Variants in MMS22L observed in about 807,000 individuals in gnomAD.
MMS22L encodes MMS22 like, DNA repair protein, also known as protein MMS22-like.
MMS22L carries 74 observed loss-of-function variants against 159.1 expected under a neutral mutation model. The ratio of observed to expected loss-of-function variants is 0.47; its 90% CI spans 0.39 to 0.56. MMS22L has a LOEUF of 0.56. Ranked by LOEUF, MMS22L falls within the 20% of genes least tolerant of loss-of-function variation. The pLI, the probability that MMS22L is intolerant of heterozygous loss-of-function variation, is 0.00. For missense variants in MMS22L, 1,351 were observed against 1,422.1 expected (o/e 0.95, Z 0.80); for synonymous variants, 517 against 506.9 (o/e 1.02, Z -0.27).
rs774669892 is a variant in MMS22L, at chr6:97,162,027, G to C, written c.3360C>G (p.Cys1120Trp). Reference protein sequence around the residue: ...VELLLPGILKCLVLVSEPQVK... With the variant: ...VELLLPGILKWLVLVSEPQVK... ...CTTGTGGTTCACTGACTAACACCAA[G>C]CATTTTAAAATGCCAGGGAGGAGTA... Residue 1120 changes from cysteine to tryptophan, a missense_variant, in exon 22 of 25, where the codon TGC becomes TGG. Cys to Trp is a radical substitution (Grantham distance 215). Coordinates refer to ENST00000683635, the MANE Select transcript of MMS22L (RefSeq NM_001350599.2). 5 of 1,610,880 alleles carry C rather than the reference G, an allele frequency of 3.1e-6. No homozygotes were observed. Among genetic ancestry groups the C allele is most frequent in the Admixed American group, 3.4e-5 (2 of 59,442 alleles).
At chr6:97,246,521 G>A in intron 11 of MMS22L, 107 bp downstream of exon 11, 1 of 820,632 alleles carries the variant, frequency 1.2e-6, no homozygotes, top group South Asian at 2.0e-5. Flanking sequence ...AAGCATGAAA[G>A]TTATTTGTTT....
Position 97,273,082 on chromosome 6 carries a change from T to A in MMS22L, c.341-20A>T, listed in dbSNP as rs750547927. The A allele has an allele frequency of 1.9e-6, 3 of 1,573,014 alleles. No individual in the cohort carries two copies. Among genetic ancestry groups the A allele is most frequent in the Admixed American group, 3.9e-5 (2 of 51,664 alleles). The stretch of plus-strand genomic sequence containing the variant: ...CCTTCCCTGAAACCAAAATAGACAA[T>A]GTTAATCATAGTTCAAATAATTATC... On this transcript the variant is annotated intron_variant, in intron 4 of 24. Transcript: ENST00000683635.
At position 97,151,836 on chromosome 6, in the gene MMS22L, G is replaced by A; in HGVS notation, c.3417C>T (p.Tyr1139=). ...ACCCCACTTGGCAGGCTTTTACCAT[G>A]TATTGCAGGTTCTCTGTGGCCAGCC... ...VKRLATENLQ[Y]MVKACQVGSE... Residue 1139 remains tyrosine (Y), a synonymous_variant, in exon 23 of 25, where the codon TAC becomes TAT. Transcript: ENST00000683635. 1 of 1,613,624 alleles carries A rather than the reference G, an allele frequency of 6.2e-7. No individual in the cohort carries two copies. The highest frequency in any genetic ancestry group is 1.1e-5 in the South Asian group (1 of 91,050).
chr6:97,180,913 T>C (rs1428149797), intron 16 of MMS22L, among the ~76,000 whole-genome samples: 2 of 152,178 alleles, frequency 1.3e-5, no homozygotes, highest in African/African-American at 4.8e-5. Flanking sequence ...ACATCTCTCT[T>C]CATTTCCACT....
chr6:97,180,230 T>C lies in MMS22L; in HGVS notation c.2385-671A>G, dbSNP rs563045159. On this transcript the variant is annotated intron_variant, in intron 16 of 24. Transcript: ENST00000683635. The stretch of plus-strand genomic sequence containing the variant: ...CATTCTCCTGCCTCAGCCTCCCAAG[T>C]GGCTGGGACTACAGGCACCCGCCAC... Among the ~76,000 whole-genome samples, 5 of 152,198 alleles carry C rather than the reference T, an allele frequency of 3.3e-5. No homozygotes were observed. In the East Asian group the frequency reaches 7.7e-4, roughly 24 times the overall value.
intron 14 of MMS22L, among the ~76,000 whole-genome samples, chr6:97,192,341 AAGG>A (rs1452149807): frequency 6.6e-6 from 1 of 152,178 alleles, no homozygotes. Flanking sequence ...CTTGAGATGC[AAGG>A]AGAATTCTTC....
chr6:97,179,272 A>G, intron 17 of MMS22L, 136 bp downstream of exon 17: 1 of 683,550 alleles, frequency 1.5e-6, no homozygotes. Flanking sequence ...ACAAAAGGAA[A>G]TTAAGTTCTG....
intron 15 of MMS22L, among the ~76,000 whole-genome samples, chr6:97,184,459 C>G (rs1387124875): frequency 6.6e-6 from 1 of 151,950 alleles, no homozygotes; most frequent in Non-Finnish European, 1.5e-5. Context: ...ATCTAAGTGC[C>G]TACTTAACAT....
chr6:97,188,231 C>A (rs1805455906), intron 14 of MMS22L, among the ~76,000 whole-genome samples: 2 of 152,140 alleles, frequency 1.3e-5, no homozygotes, highest in Admixed American at 1.3e-4. Flanking sequence ...ATAATACCAC[C>A]ATTTCTACTG....
chr6:97,164,455 TGTTAAA>T (rs533929403), intron 21 of MMS22L, among the ~76,000 whole-genome samples: 8 of 151,948 alleles, frequency 5.3e-5, no homozygotes, highest in Non-Finnish European at 1.2e-4. Context: ...AACTTTCTAA[TGTTAAA>T]GTTAAAGGAT....
intron 14 of MMS22L, among the ~76,000 whole-genome samples, chr6:97,197,614 A>G (rs1332125577): frequency 6.6e-6 from 1 of 152,178 alleles, no homozygotes; most frequent in African/African-American, 2.4e-5. Context: ...ATGTAAATGG[A>G]TAGGGTATAA....
chr6:97,171,949 T>C (rs1231109645), intron 19 of MMS22L, among the ~76,000 whole-genome samples: 2 of 152,264 alleles, frequency 1.3e-5, no homozygotes, highest in African/African-American at 2.4e-5. Flanking sequence ...CTCTTCCTAG[T>C]CTTTGAAACC....
intron 9 of MMS22L, chr6:97,261,662 G>C (rs1814498358): frequency 6.6e-6 from 1 of 152,126 alleles, no homozygotes; most frequent in Non-Finnish European, 1.5e-5. Flanking sequence ...TGGGGGGACG[G>C]TCAGCATCCC....
Position 97,165,505 on chromosome 6 carries a change from A to G in MMS22L, c.3010-48T>C. 3 of 1,487,856 alleles carry G rather than the reference A, an allele frequency of 2.0e-6. No homozygotes were observed. In the South Asian group the frequency reaches 3.6e-5, roughly 18 times the overall value. The allele number at this position is 1,487,856 out of a possible 1,614,324, so 92.2% of individuals were successfully genotyped here. On this transcript the variant is annotated intron_variant, in intron 20 of 24. Coordinates refer to ENST00000683635, the MANE Select transcript of MMS22L (RefSeq NM_001350599.2). ...ATACTAAGAGGTAAAGTTTCAAAGA[A>G]CAAACAATATTTAGAAACTCACTAA... is the stretch of plus-strand genomic sequence containing the variant.
chr6:97,218,050 G>T (rs189038994), intron 14 of MMS22L, among the ~76,000 whole-genome samples: 5 of 152,240 alleles, frequency 3.3e-5, no homozygotes, highest in Admixed American at 6.5e-5. Context: ...GGACCCACTT[G>T]CTGCACCTGT....
chr6:97,162,382 C>T (rs976818729), intron 21 of MMS22L, among the ~76,000 whole-genome samples: 1 of 152,066 alleles, frequency 6.6e-6, no homozygotes, highest in African/African-American at 2.4e-5. Context: ...AGGGCCAAAG[C>T]ACAATATAGT....
At chr6:97,186,780 CAT>C (rs1805289109) in intron 14 of MMS22L, 90 bp from the exon 15 acceptor site, 15 of 907,470 alleles carry the variant, frequency 1.7e-5, no homozygotes, top group Non-Finnish European at 2.3e-5. Flanking sequence ...CCATTTATAT[CAT>C]ATGAGAAACA....
intron 14 of MMS22L, among the ~76,000 whole-genome samples, chr6:97,195,649 G>T (rs1239490285): frequency 1.3e-5 from 2 of 152,144 alleles, no homozygotes; most frequent in Admixed American, 1.3e-4. Context: ...GGTTAATCCT[G>T]CTGTTAAAAG....
intron 10 of MMS22L, among the ~76,000 whole-genome samples, 195 bp from the exon 11 acceptor site, chr6:97,246,885 C>A (rs1812703635): frequency 6.6e-6 from 1 of 152,036 alleles, no homozygotes; most frequent in African/African-American, 2.4e-5. Flanking sequence ...CTATTCCAAT[C>A]CAATACAAAC....
Sources: gnomAD v4.1 joint callset for allele counts (sites outside exome capture counted in the v4.1 genomes callset) on GRCh38, gnomAD v4.1.1 for gene constraint, MANE v1.5 for transcripts, NCBI Gene and HGNC (gene_info 2026-07-23, HGNC 2026-07-21) for gene names.